Variants in SPAG16 observed in about 807,000 individuals in gnomAD.
SPAG16 encodes the protein sperm-associated antigen 16 protein.
SPAG16 carries 86 observed loss-of-function variants against 80.4 expected under a neutral mutation model. The ratio of observed to expected loss-of-function variants is 1.07; its 90% CI spans 0.90 to 1.28. The LOEUF is 1.28. SPAG16 is among the 50% of genes most tolerant of loss of function. The probability of loss-of-function intolerance (pLI) is 0.00; values close to 1 mark genes in which losing one functional copy is unlikely to be tolerated. For missense variants in SPAG16, 870 were observed against 765.3 expected, an observed-to-expected ratio of 1.14 and a Z score of -1.61; for synonymous variants, 294 against 265.9, an observed-to-expected ratio of 1.11 and a Z score of -1.03.
intron 15 of SPAG16, among the ~76,000 whole-genome samples, chr2:214,248,490 G>GT (rs1690020685): frequency 6.6e-6 from 1 of 151,688 alleles, no homozygotes; most frequent in Non-Finnish European, 1.5e-5. Flanking sequence ...GCTAATTTTT[G>GT]TATTTTTTAG....
At chr2:214,046,896 TAAAC>T (rs1219165757) in intron 13 of SPAG16, among the ~76,000 whole-genome samples, 1 of 112,288 alleles carries the variant, frequency 8.9e-6, no homozygotes, top group African/African-American at 3.6e-5. Context: ...ATGTCAAAAG[TAAAC>T]AATCTGAAAA....
At chr2:214,121,935 G>T (rs565475701) in intron 14 of SPAG16, among the ~76,000 whole-genome samples, 24 of 151,818 alleles carry the variant, frequency 1.6e-4, no homozygotes, top group Non-Finnish European at 5.9e-5. Context: ...TTTTTAAAAA[G>T]TCAGAAATCT....
intron 10 of SPAG16, among the ~76,000 whole-genome samples, chr2:213,614,686 G>A (rs1353731007): frequency 6.6e-6 from 1 of 152,160 alleles, no homozygotes; most frequent in Non-Finnish European, 1.5e-5. Flanking sequence ...TATCTTAAGT[G>A]TGATTAATCT....
chr2:214,177,934 T>TATATATAG, intron 15 of SPAG16, among the ~76,000 whole-genome samples: 1 of 126,246 alleles, frequency 7.9e-6, no homozygotes, highest in Non-Finnish European at 1.7e-5. Flanking sequence ...TATATATATA[T>TATATATAG]GGCCAGAATT....
intron 3 of SPAG16, among the ~76,000 whole-genome samples, chr2:213,308,304 G>C (rs1266367197): frequency 6.6e-6 from 1 of 151,862 alleles, no homozygotes; most frequent in African/African-American, 2.4e-5. Flanking sequence ...TTCATTTGTT[G>C]CTTGCTGAAA....
intron 15 of SPAG16, among the ~76,000 whole-genome samples, chr2:214,331,281 G>A (rs1400392599): frequency 6.6e-6 from 1 of 152,124 alleles, no homozygotes; most frequent in Admixed American, 6.6e-5. Context: ...AACATAGGTA[G>A]GTAGGTAGAT....
chr2:213,500,829 G>A (rs1485920993), intron 10 of SPAG16, among the ~76,000 whole-genome samples: 2 of 152,208 alleles, frequency 1.3e-5, no homozygotes, highest in African/African-American at 4.8e-5. Context: ...AAAGGTGCCC[G>A]AGCAAGGACT....
intron 15 of SPAG16, among the ~76,000 whole-genome samples, chr2:214,201,238 AG>A (rs1197441887): frequency 6.6e-6 from 1 of 152,212 alleles, no homozygotes; most frequent in Non-Finnish European, 1.5e-5. Flanking sequence ...AATCCAAAAT[AG>A]AGATTCCTGA....
At chr2:214,402,550 G>T (rs1205236717) in intron 15 of SPAG16, among the ~76,000 whole-genome samples, 1 of 151,738 alleles carries the variant, frequency 6.6e-6, no homozygotes, top group African/African-American at 2.4e-5. Context: ...ATATTATTTG[G>T]GTGAGGCTAA....
intron 15 of SPAG16, among the ~76,000 whole-genome samples, chr2:214,287,971 T>C (rs1693485136): frequency 1.3e-5 from 2 of 152,190 alleles, no homozygotes; most frequent in African/African-American, 4.8e-5. Context: ...AATACATTTG[T>C]TGCTAACTAT....
intron 15 of SPAG16, among the ~76,000 whole-genome samples, chr2:214,236,606 C>T (rs1238895389): frequency 1.3e-5 from 2 of 151,440 alleles, no homozygotes; most frequent in Non-Finnish European, 2.9e-5. Context: ...GAGCCAAGAT[C>T]GCACCATTGC....
chr2:213,691,130 C>A (rs2064927488), intron 10 of SPAG16, among the ~76,000 whole-genome samples: 1 of 152,096 alleles, frequency 6.6e-6, no homozygotes, highest in Admixed American at 6.5e-5. Flanking sequence ...ACATTCAAAC[C>A]ATAGCACTCT....
chr2:213,922,895 C>A (rs1311864764), intron 11 of SPAG16, among the ~76,000 whole-genome samples: 1 of 152,164 alleles, frequency 6.6e-6, no homozygotes, highest in African/African-American at 2.4e-5. Flanking sequence ...GGTTGACAGA[C>A]AAGCTGTATT....
chr2:213,994,914 A>G (rs1175926466), intron 12 of SPAG16, among the ~76,000 whole-genome samples: 1 of 152,196 alleles, frequency 6.6e-6, no homozygotes, highest in Non-Finnish European at 1.5e-5. Flanking sequence ...TCTTATTTGC[A>G]TCTTTTCTTA....
At chr2:213,405,802 A>G (rs2068579945) in intron 9 of SPAG16, among the ~76,000 whole-genome samples, 1 of 152,214 alleles carries the variant, frequency 6.6e-6, no homozygotes, top group Non-Finnish European at 1.5e-5. Flanking sequence ...TGCTAATAAC[A>G]GGATTTCATT....
intron 1 of SPAG16, among the ~76,000 whole-genome samples, chr2:213,285,008 C>T (rs907533549): frequency 3.9e-5 from 6 of 152,194 alleles, no homozygotes; most frequent in African/African-American, 1.4e-4. Flanking sequence ...CCAATAAATT[C>T]AACGGAGGAA....
At chr2:214,390,890 G>A (rs779485296) in intron 15 of SPAG16, among the ~76,000 whole-genome samples, 18 of 152,186 alleles carry the variant, frequency 1.2e-4, no homozygotes, top group Non-Finnish European at 2.2e-4. Flanking sequence ...GCAGAAACAA[G>A]GAGATTTTCA....
In SPAG16 at chr2:213,346,527, A is replaced by G. The variant is rs188279998; in HGVS notation, c.645-4001A>G. The stretch of plus-strand genomic sequence containing the variant: ...GATATTGGCTGTGGGTTTGTCATAG[A>G]TAGCTCTTATTATTTTGAGATACGT... On this transcript the variant is annotated intron_variant, in intron 6 of 15. Transcript: ENST00000331683. Among the ~76,000 whole-genome samples, 195 of 152,238 alleles carry G rather than the reference A, an allele frequency of 1.3e-3. 3 individuals are homozygous for G. The East Asian group carries it at 0.033, about 26-fold the overall frequency.
At chr2:213,674,591 G>A (rs1384999228) in intron 10 of SPAG16, among the ~76,000 whole-genome samples, 1 of 148,502 alleles carries the variant, frequency 6.7e-6, no homozygotes, top group African/African-American at 2.6e-5. Flanking sequence ...GTGTCCATGT[G>A]TTCTCATTGT....
Sources: gnomAD v4.1 joint callset for allele counts (sites outside exome capture counted in the v4.1 genomes callset) on GRCh38, gnomAD v4.1.1 for gene constraint, MANE v1.5 for transcripts, NCBI Gene and HGNC (gene_info 2026-07-23, HGNC 2026-07-21) for gene names.